TRDN: variants seen among roughly 807,000 people sequenced by gnomAD.
The protein encoded by TRDN is triadin in skeletal muscle.
Under a neutral mutation model 149.7 loss-of-function variants are expected in TRDN, and 161 were observed. The observed-to-expected ratio is 1.08, with a 90% CI of 0.95 to 1.23. The LOEUF (loss-of-function observed/expected upper bound fraction) is 1.23, where lower values mean the gene tolerates loss of function less well. Ranked by LOEUF, TRDN falls within the 50% of genes most tolerant of loss-of-function variation. The pLI is 0.00. For missense variants in TRDN, 896 were observed against 823.5 expected (o/e 1.09, Z -1.08); for synonymous variants, 294 against 250.5 (o/e 1.17, Z -1.64).
intron 38 of TRDN, among the ~76,000 whole-genome samples, chr6:123,235,610 A>T (rs1775756909): frequency 6.6e-6 from 1 of 152,120 alleles, no homozygotes; most frequent in African/African-American, 2.4e-5. Context: ...TTCAGTGCAA[A>T]CTTCTATGAA....
At chr6:123,532,662 A>G (rs548685215) in intron 4 of TRDN, among the ~76,000 whole-genome samples, 20 of 152,080 alleles carry the variant, frequency 1.3e-4, no homozygotes, top group Non-Finnish European at 2.5e-4. Flanking sequence ...TAAAAGTATA[A>G]AAGTATCTCC....
At chr6:123,271,377 C>G (rs1331044274) in intron 29 of TRDN, among the ~76,000 whole-genome samples, 191 bp from the exon 30 acceptor site, 1 of 151,910 alleles carries the variant, frequency 6.6e-6, no homozygotes, top group Non-Finnish European at 1.5e-5. Flanking sequence ...GCTGAAATGT[C>G]CTTTGCAGCT....
intron 38 of TRDN, among the ~76,000 whole-genome samples, chr6:123,252,006 T>C (rs1167342958): frequency 1.3e-5 from 2 of 152,052 alleles, no homozygotes; most frequent in East Asian, 1.9e-4. Context: ...CAATTTTATT[T>C]AGGTTAACGA....
chr6:123,405,880 C>G (rs1369100567), intron 12 of TRDN, among the ~76,000 whole-genome samples: 2 of 152,060 alleles, frequency 1.3e-5, no homozygotes, highest in East Asian at 3.9e-4. Context: ...ATTACTTACA[C>G]TAAGAAAAAT....
At chr6:123,409,192 GATTT>G (rs568192016) in intron 12 of TRDN, among the ~76,000 whole-genome samples, 34 of 152,230 alleles carry the variant, frequency 2.2e-4, no homozygotes, top group African/African-American at 7.2e-4. Flanking sequence ...GTCACTTAGT[GATTT>G]ATTTAACAGA....
chr6:123,349,755 G>T, intron 21 of TRDN: 2 of 984,028 alleles, frequency 2.0e-6, no homozygotes, highest in Middle Eastern at 5.2e-4. Context: ...TCACTTGAAA[G>T]TATGGAATAA....
chr6:123,592,148 C>T (rs1456204669), intron 1 of TRDN, among the ~76,000 whole-genome samples: 3 of 152,150 alleles, frequency 2.0e-5, no homozygotes, highest in Non-Finnish European at 2.9e-5. Flanking sequence ...GGAAGAAATG[C>T]CACTCATTGG....
At chr6:123,473,729 G>A (rs1208199411) in intron 9 of TRDN, among the ~76,000 whole-genome samples, 3 of 151,796 alleles carry the variant, frequency 2.0e-5, no homozygotes, top group South Asian at 2.1e-4. Context: ...AAGCCCATCA[G>A]ACTAACAGCG....
At chr6:123,349,263 C>T (rs1780362378) in intron 21 of TRDN, among the ~76,000 whole-genome samples, 1 of 151,996 alleles carries the variant, frequency 6.6e-6, no homozygotes, top group Admixed American at 6.6e-5. Context: ...AATTGAGTTG[C>T]TAATGGTTCT....
intron 9 of TRDN, among the ~76,000 whole-genome samples, chr6:123,478,449 A>C (rs1027623209): frequency 4.6e-5 from 7 of 152,330 alleles, no homozygotes; most frequent in East Asian, 1.9e-4. Flanking sequence ...ATTTTTTAAA[A>C]ATAATTTCTT....
chr6:123,238,662 T>C (rs888579727), intron 38 of TRDN, among the ~76,000 whole-genome samples: 1 of 152,128 alleles, frequency 6.6e-6, no homozygotes, highest in African/African-American at 2.4e-5. Flanking sequence ...CATTTTAGTA[T>C]ACAACGTAAA....
intron 24 of TRDN, among the ~76,000 whole-genome samples, chr6:123,302,986 T>C (rs1000759418): frequency 6.6e-6 from 1 of 152,166 alleles, no homozygotes; most frequent in Non-Finnish European, 1.5e-5. Flanking sequence ...TTTTTAGGCA[T>C]TTTCATTATG....
chr6:123,287,246 A>G (rs774764141), intron 24 of TRDN, among the ~76,000 whole-genome samples: 1 of 152,130 alleles, frequency 6.6e-6, no homozygotes, highest in African/African-American at 2.4e-5. Flanking sequence ...CACATATCCA[A>G]ATATATTAAT....
chr6:123,552,216 G>T (rs1358355360), intron 2 of TRDN, among the ~76,000 whole-genome samples: 1 of 152,086 alleles, frequency 6.6e-6, no homozygotes, highest in African/African-American at 2.4e-5. Flanking sequence ...TAGGTTACTT[G>T]TGGTCAGTAA....
intron 35 of TRDN, 24 bp downstream of exon 35, chr6:123,259,600 T>C (rs1439064762): frequency 2.1e-6 from 3 of 1,432,098 alleles, no homozygotes; most frequent in Non-Finnish European, 2.9e-6. Flanking sequence ...ATTTGATGTA[T>C]ATGTCTTAAA....
intron 9 of TRDN, among the ~76,000 whole-genome samples, chr6:123,492,318 A>C (rs1778255229): frequency 6.6e-6 from 1 of 152,190 alleles, no homozygotes; most frequent in Admixed American, 6.5e-5. Context: ...ATAGTTACAG[A>C]GATGAAAGCT....
intron 19 of TRDN, among the ~76,000 whole-genome samples, chr6:123,369,591 A>C (rs1781244045): frequency 1.3e-5 from 2 of 152,118 alleles, no homozygotes. Context: ...CTCTTAACAA[A>C]AGTTGAAAAT....
At chr6:123,353,083 C>A (rs866447424) in intron 20 of TRDN, among the ~76,000 whole-genome samples, 2 of 151,800 alleles carry the variant, frequency 1.3e-5, no homozygotes, top group African/African-American at 4.8e-5. Context: ...GGGTGCTGTA[C>A]CCCTTTCTCT....
chr6:123,279,172 T>C (rs1204465302), intron 24 of TRDN, 90 bp from the exon 25 acceptor site: 1 of 1,102,348 alleles, frequency 9.1e-7, no homozygotes, highest in Non-Finnish European at 1.3e-6. Flanking sequence ...TATTTGAAAA[T>C]AAAAATGAAA....
Sources: allele counts gnomAD v4.1 joint callset (sites outside exome capture counted in the v4.1 genomes callset), GRCh38; gene constraint gnomAD v4.1.1; transcripts MANE v1.5; gene names NCBI Gene and HGNC (gene_info 2026-07-23, HGNC 2026-07-21).